KCTD1: variants seen among roughly 807,000 people sequenced by gnomAD.
The protein encoded by KCTD1 is BTB/POZ domain-containing protein KCTD1.
A neutral mutation model predicts 66.0 loss-of-function variants in KCTD1; 24 were observed. That is an observed-to-expected ratio of 0.36 (90% CI 0.26 to 0.51). KCTD1 has a LOEUF of 0.51. Ranked by LOEUF, KCTD1 falls within the 20% of genes least tolerant of loss-of-function variation. KCTD1 has a pLI of 0.95. For synonymous variants in KCTD1, 511 were observed against 517.2 expected, an observed-to-expected ratio of 0.99 and a Z score of 0.16; for missense variants, 943 against 1,205.2, an observed-to-expected ratio of 0.78 and a Z score of 3.22.
chr18:26,633,862 T>C (rs151283813), upstream of KCTD1, among the ~76,000 whole-genome samples: 11 of 152,340 alleles, frequency 7.2e-5, no homozygotes, highest in African/African-American at 2.4e-4. Context: ...TATTACAAAG[T>C]TGAAATGTAA....
At chr18:26,569,433 C>T (rs1473634983) in intron 1 of KCTD1, among the ~76,000 whole-genome samples, 1 of 152,342 alleles carries the variant, frequency 6.6e-6, no homozygotes, top group Middle Eastern at 3.4e-3. Context: ...CAGATCCCTT[C>T]CTTCCTGACA....
At chr18:26,499,878 C>T (rs994854450) in intron 2 of KCTD1, among the ~76,000 whole-genome samples, 1 of 152,190 alleles carries the variant, frequency 6.6e-6, no homozygotes, top group African/African-American at 2.4e-5. Flanking sequence ...TATCCACCAG[C>T]AAAAAACTTC....
At chr18:26,612,062 G>A (rs568799942) in intron 1 of KCTD1, among the ~76,000 whole-genome samples, 1 of 152,266 alleles carries the variant, frequency 6.6e-6, no homozygotes, top group South Asian at 2.1e-4. Context: ...CCCTGTGTGA[G>A]CACTGGGCAC....
intron 2 of KCTD1, among the ~76,000 whole-genome samples, chr18:26,482,055 C>T (rs938238367): frequency 9.9e-5 from 15 of 152,090 alleles, no homozygotes; most frequent in Non-Finnish European, 8.8e-5. Context: ...ATGGAGACAC[C>T]GAGTCACAAA....
chr18:26,525,727 T>G (rs1434133177), intron 1 of KCTD1, among the ~76,000 whole-genome samples: 1 of 152,202 alleles, frequency 6.6e-6, no homozygotes, highest in Non-Finnish European at 1.5e-5. Flanking sequence ...CTGCCTGGCT[T>G]CCTTCCTTCC....
intron 1 of KCTD1, among the ~76,000 whole-genome samples, chr18:26,508,728 TCA>T (rs33932453): frequency 0.41 from 62,206 of 150,126 alleles, 13,664 homozygotes; most frequent in Middle Eastern, 0.52. Flanking sequence ...TCTCTCTCTC[TCA>T]CACACACACA....
intron 1 of KCTD1, among the ~76,000 whole-genome samples, chr18:26,583,083 T>C (rs1441189509): frequency 6.7e-6 from 1 of 150,086 alleles, no homozygotes; most frequent in Non-Finnish European, 1.5e-5. Flanking sequence ...TTAAAAAAAA[T>C]ATGATGGAGA....
At chr18:26,510,498 G>C (rs1008281918) in intron 1 of KCTD1, among the ~76,000 whole-genome samples, 2 of 152,184 alleles carry the variant, frequency 1.3e-5, no homozygotes, top group African/African-American at 4.8e-5. Flanking sequence ...CGTTACTGCT[G>C]TTTATCTATT....
At chr18:26,623,064 T>TGAAAG (rs149419618) in intron 1 of KCTD1, among the ~76,000 whole-genome samples, 3,341 of 152,286 alleles carry the variant, frequency 0.022, 107 homozygotes, top group African/African-American at 0.075. Context: ...TCATTTTTAA[T>TGAAAG]GTCTGGTCTC....
At chr18:26,626,821 G>T (rs1987512699) in intron 1 of KCTD1, among the ~76,000 whole-genome samples, 1 of 152,168 alleles carries the variant, frequency 6.6e-6, no homozygotes, top group South Asian at 2.1e-4. Flanking sequence ...GGGCAGATGA[G>T]GGGGAAGAAG....
upstream of KCTD1, among the ~76,000 whole-genome samples, chr18:26,643,806 C>T (rs1047011545): frequency 2.6e-5 from 4 of 152,206 alleles, no homozygotes; most frequent in East Asian, 5.8e-4. Context: ...ACTAAAAATA[C>T]AAAAAATTAG....
At chr18:26,653,459 C>T (rs930124451) in intron 1 of KCTD1, among the ~76,000 whole-genome samples, 1 of 152,198 alleles carries the variant, frequency 6.6e-6, no homozygotes, top group Non-Finnish European at 1.5e-5. Context: ...GTTAATGCTA[C>T]CAGAACCCCA....
chr18:26,564,872 A>G (rs1985945732), intron 1 of KCTD1, among the ~76,000 whole-genome samples: 1 of 151,736 alleles, frequency 6.6e-6, no homozygotes, highest in Non-Finnish European at 1.5e-5. Flanking sequence ...CTGGGCAACA[A>G]GAACCAAACT....
chr18:26,556,284 C>G (rs1234721932), intron 1 of KCTD1, among the ~76,000 whole-genome samples: 2 of 152,180 alleles, frequency 1.3e-5, no homozygotes, highest in Non-Finnish European at 2.9e-5. Context: ...CCTGGCCCCT[C>G]TCTTCTGTGA....
intron 1 of KCTD1, among the ~76,000 whole-genome samples, chr18:26,577,004 T>C (rs1986240581): frequency 6.6e-6 from 1 of 152,226 alleles, no homozygotes; most frequent in African/African-American, 2.4e-5. Flanking sequence ...CAACTATAAA[T>C]CGTTTCTTGA....
chr18:26,629,304 CAACT>C (rs1987568860), upstream of KCTD1: 1 of 557,036 alleles, frequency 1.8e-6, no homozygotes, highest in East Asian at 1.4e-4. Flanking sequence ...GCAAGCTAAC[CAACT>C]GAGCTAACCA....
chr18:26,624,985 T>C (rs1044918606), intron 1 of KCTD1, among the ~76,000 whole-genome samples: 32 of 152,296 alleles, frequency 2.1e-4, no homozygotes, highest in African/African-American at 7.7e-4. Flanking sequence ...ATTTTGGAAA[T>C]GTAAGGTTTG....
chr18:26,657,356 T>A, intron 1 of KCTD1: 1 of 985,474 alleles, frequency 1.0e-6, no homozygotes, highest in Non-Finnish European at 1.2e-6. Flanking sequence ...CCGTCAGATC[T>A]TACCTGAAAC....
chr18:26,498,569 A>T (rs1982596992), intron 2 of KCTD1, among the ~76,000 whole-genome samples: 2 of 151,902 alleles, frequency 1.3e-5, no homozygotes, highest in African/African-American at 2.4e-5. Flanking sequence ...AAATCAATTT[A>T]AAAAATTACT....
Sources: gnomAD v4.1 joint callset for allele counts (sites outside exome capture counted in the v4.1 genomes callset) on GRCh38, gnomAD v4.1.1 for gene constraint, MANE v1.5 for transcripts, NCBI Gene and HGNC (gene_info 2026-07-23, HGNC 2026-07-21) for gene names.